GRM7: variants seen among roughly 807,000 people sequenced by gnomAD.
GRM7 encodes glutamate metabotropic receptor 7.
A neutral mutation model predicts 84.5 loss-of-function variants in GRM7; 35 were observed. That is an observed-to-expected ratio of 0.41 (90% CI 0.32 to 0.55). The LOEUF is 0.55. Ranked by LOEUF, GRM7 falls within the 20% of genes least tolerant of loss-of-function variation. The probability of loss-of-function intolerance (pLI) is 0.19; values close to 1 mark genes in which losing one functional copy is unlikely to be tolerated. For missense variants in GRM7, 1,003 were observed against 1,194.6 expected, an observed-to-expected ratio of 0.84 and a Z score of 2.36; for synonymous variants, 487 against 455.1, an observed-to-expected ratio of 1.07 and a Z score of -0.89.
At chr3:7,498,988 T>C (rs1207751839) in intron 7 of GRM7, among the ~76,000 whole-genome samples, 1 of 152,124 alleles carries the variant, frequency 6.6e-6, no homozygotes. Context: ...ACACTAAAAA[T>C]TGCTGATTTT....
intron 8 of GRM7, among the ~76,000 whole-genome samples, chr3:7,630,945 T>C (rs1697835253): frequency 6.6e-6 from 1 of 152,240 alleles, no homozygotes. Flanking sequence ...GATGATGTGA[T>C]CTTTTTAAAA....
intron 8 of GRM7, among the ~76,000 whole-genome samples, chr3:7,581,195 G>T (rs1559418298): frequency 6.6e-6 from 1 of 152,042 alleles, no homozygotes; most frequent in Non-Finnish European, 1.5e-5. Context: ...TTTCAATAAG[G>T]TCACAGGTAT....
chr3:7,194,114 A>G (rs1036716041), intron 2 of GRM7, among the ~76,000 whole-genome samples: 4 of 152,082 alleles, frequency 2.6e-5, no homozygotes, highest in Non-Finnish European at 5.9e-5. Context: ...TTAGAAAAAA[A>G]ATATTGTATA....
At chr3:7,325,415 C>T (rs1009470034) in intron 4 of GRM7, among the ~76,000 whole-genome samples, 1 of 152,162 alleles carries the variant, frequency 6.6e-6, no homozygotes, top group African/African-American at 2.4e-5. Context: ...GATTGCTGGG[C>T]CTCAATCCAG....
intron 4 of GRM7, among the ~76,000 whole-genome samples, chr3:7,405,829 C>G (rs2125165855): frequency 6.6e-6 from 1 of 152,128 alleles, no homozygotes; most frequent in East Asian, 1.9e-4. Flanking sequence ...TATCACTCAT[C>G]ATCTATTCAT....
intron 2 of GRM7, among the ~76,000 whole-genome samples, chr3:7,209,018 A>G (rs1440726230): frequency 6.6e-6 from 1 of 152,228 alleles, no homozygotes; most frequent in African/African-American, 2.4e-5. Context: ...GAAAATGCAT[A>G]CACCTAACTT....
At chr3:7,735,093 A>T (rs1156783578) in intron 9 of GRM7, among the ~76,000 whole-genome samples, 1 of 152,226 alleles carries the variant, frequency 6.6e-6, no homozygotes, top group East Asian at 1.9e-4. Flanking sequence ...AAACCATAAT[A>T]TAAAGAATCC....
At chr3:7,001,547 A>G (rs186069203) in intron 1 of GRM7, among the ~76,000 whole-genome samples, 25 of 152,320 alleles carry the variant, frequency 1.6e-4, no homozygotes, top group Admixed American at 1.2e-3. Context: ...GCTTTTCCAC[A>G]TATGAAGAAC....
At chr3:7,536,313 C>G (rs1040806608) in intron 7 of GRM7, among the ~76,000 whole-genome samples, 1 of 152,130 alleles carries the variant, frequency 6.6e-6, no homozygotes, top group Admixed American at 6.6e-5. Flanking sequence ...GCTGGGACTT[C>G]AGTTCACCAG....
intron 7 of GRM7, among the ~76,000 whole-genome samples, chr3:7,490,863 C>T (rs1699493581): frequency 6.6e-6 from 1 of 151,910 alleles, no homozygotes; most frequent in South Asian, 2.1e-4. Context: ...CATAAAGATA[C>T]TGAGAGTCTT....
chr3:7,099,909 TATA>T (rs199579557), intron 1 of GRM7, among the ~76,000 whole-genome samples: 1,013 of 84,752 alleles, frequency 0.012, 196 homozygotes, highest in South Asian at 0.021. Flanking sequence ...ATTATACATA[TATA>T]ATATTAATAT....
chr3:6,980,649 A>AAATACACACCTG (rs1694163868), intron 1 of GRM7, among the ~76,000 whole-genome samples: 1 of 152,220 alleles, frequency 6.6e-6, no homozygotes, highest in African/African-American at 2.4e-5. Flanking sequence ...AGTGGTAAGC[A>AAATACACACCTG]AATACACACC....
intron 1 of GRM7, among the ~76,000 whole-genome samples, chr3:7,020,872 T>C (rs945406785): frequency 6.6e-6 from 1 of 152,172 alleles, no homozygotes; most frequent in Admixed American, 6.5e-5. Context: ...TGACAGAATG[T>C]AGTTATAATT....
Position 7,689,173 on chromosome 3 carries a change from G to A in GRM7, c.2698+8878G>A, listed in dbSNP as rs181024209. ...TGGTATTTGGATGAAAAAACTTTGA[G>A]AGTATAATTAAGCCTTGCGAGAATG... is the stretch of plus-strand genomic sequence containing the variant. On this transcript the variant is annotated intron_variant, in intron 9 of 9. Coordinates refer to ENST00000357716, the MANE Select transcript of GRM7 (RefSeq NM_000844.4). 2.8e-3 allele frequency among the ~76,000 whole-genome samples: 425 copies of A among 152,278 alleles called. 7 individuals are homozygous for A. The highest frequency in any genetic ancestry group is 0.02 in the Middle Eastern group (6 of 294).
intron 1 of GRM7, among the ~76,000 whole-genome samples, chr3:6,986,044 C>G (rs1324473305): frequency 6.6e-6 from 1 of 152,064 alleles, no homozygotes. Flanking sequence ...AGCCTTTGCA[C>G]GTACCTGGTG....
chr3:7,376,112 G>T (rs149655652), intron 4 of GRM7, among the ~76,000 whole-genome samples: 4 of 152,126 alleles, frequency 2.6e-5, no homozygotes, highest in African/African-American at 9.7e-5. Flanking sequence ...ATAAAGTGGC[G>T]ATGTTTTAAT....
chr3:7,023,690 A>ACCTTTGCAGT (rs1695864377), intron 1 of GRM7, among the ~76,000 whole-genome samples: 1 of 152,066 alleles, frequency 6.6e-6, no homozygotes, highest in South Asian at 2.1e-4. Flanking sequence ...CTGGGCTTGC[A>ACCTTTGCAGT]CCTGTACCTT....
At chr3:7,649,289 C>G (rs545125208) in intron 8 of GRM7, among the ~76,000 whole-genome samples, 4 of 151,960 alleles carry the variant, frequency 2.6e-5, no homozygotes, top group Non-Finnish European at 5.9e-5. Flanking sequence ...CAGGATAGTC[C>G]CGATCTCCTG....
intron 9 of GRM7, among the ~76,000 whole-genome samples, chr3:7,702,644 A>AT (rs1398824630): frequency 6.6e-6 from 1 of 152,246 alleles, no homozygotes; most frequent in African/African-American, 2.4e-5. Context: ...AGTTATTCTT[A>AT]TAAGTACAAT....
Sources: allele counts gnomAD v4.1 joint callset (sites outside exome capture counted in the v4.1 genomes callset), GRCh38; gene constraint gnomAD v4.1.1; transcripts MANE v1.5; gene names NCBI Gene and HGNC (gene_info 2026-07-23, HGNC 2026-07-21).